The following MEIKIN variants were observed in gnomAD, a reference collection of about 807,000 sequenced individuals.
MEIKIN encodes the protein meiosis-specific kinetochore protein.
At chr5:131,942,172 T>C (rs1190275007) in intron 4 of MEIKIN, among the ~76,000 whole-genome samples, 2 of 152,210 alleles carry the variant, frequency 1.3e-5, no homozygotes, top group Non-Finnish European at 2.9e-5. Flanking sequence ...GGCCTCAAAC[T>C]GGTTGTCTAA....
intron 9 of MEIKIN, among the ~76,000 whole-genome samples, chr5:131,856,185 G>T (rs534240565): frequency 2.0e-5 from 3 of 152,064 alleles, no homozygotes; most frequent in African/African-American, 7.2e-5. Context: ...TTTAGTTTTC[G>T]CATTTCAACA....
At chr5:131,832,580 G>A (rs1749733846) in intron 11 of MEIKIN, among the ~76,000 whole-genome samples, 1 of 152,176 alleles carries the variant, frequency 6.6e-6, no homozygotes, top group Admixed American at 6.5e-5. Context: ...CTTTGTATGG[G>A]GACTCCAACC....
intron 11 of MEIKIN, among the ~76,000 whole-genome samples, chr5:131,840,673 TGTA>T (rs958192778): frequency 1.3e-5 from 2 of 152,224 alleles, no homozygotes; most frequent in Non-Finnish European, 2.9e-5. Context: ...ATGAAATTCT[TGTA>T]GTGTGTTTCT....
chr5:131,911,075 T>A (rs1311026601), intron 8 of MEIKIN, among the ~76,000 whole-genome samples: 1 of 152,104 alleles, frequency 6.6e-6, no homozygotes, highest in Non-Finnish European at 1.5e-5. Context: ...AAGGTATTGC[T>A]CCTTCCAAGG....
intron 9 of MEIKIN, among the ~76,000 whole-genome samples, chr5:131,855,406 G>A (rs1403235242): frequency 1.3e-5 from 2 of 152,060 alleles, no homozygotes; most frequent in Non-Finnish European, 1.5e-5. Flanking sequence ...AAGATACAAA[G>A]AGGCAGACAG....
In MEIKIN at chr5:131,903,487, G is replaced by A. The variant is rs148426236; in HGVS notation, c.703+8328C>T. Among the ~76,000 whole-genome samples, 1,302 of 152,196 alleles carry A rather than the reference G, an allele frequency of 8.6e-3. 4 individuals carry two copies. Among genetic ancestry groups the A allele is most frequent in the Non-Finnish European group, 0.013 (909 of 68,016 alleles). ...ACCCCATAAGCCAGAAGAGAATGGG[G>A]GCCTATATTCAGCATTATAAAAGAA... On this transcript the variant is annotated intron_variant, in intron 8 of 12. Coordinates refer to ENST00000442687, the MANE Select transcript of MEIKIN (RefSeq NM_001303622.2).
chr5:131,820,435 C>T (rs1167249851), intron 11 of MEIKIN, among the ~76,000 whole-genome samples: 1 of 152,084 alleles, frequency 6.6e-6, no homozygotes, highest in African/African-American at 2.4e-5. Context: ...GCTACTATTT[C>T]ATTCAGGATT....
At chr5:131,847,306 C>T (rs561350595) in intron 11 of MEIKIN, among the ~76,000 whole-genome samples, 8 of 152,112 alleles carry the variant, frequency 5.3e-5, no homozygotes, top group African/African-American at 1.9e-4. Flanking sequence ...TTATAAGAGA[C>T]TCACTTTAGA....
chr5:131,931,456 A>G (rs1452213530), intron 5 of MEIKIN, among the ~76,000 whole-genome samples: 1 of 152,190 alleles, frequency 6.6e-6, no homozygotes, highest in East Asian at 1.9e-4. Flanking sequence ...GTTGGGTCCT[A>G]TCAGCACTCT....
Position 131,919,379 on chromosome 5 carries a change from T to TCTA in MEIKIN, c.598+2440_598+2442dup, listed in dbSNP as rs573745125. Reference sequence around the variant, plus strand: ...GACCCAGCTATCCTACCTCTGGAAATCTACCTTGAAGACACACTGCCAATA... The same window carrying TCTA: ...GACCCAGCTATCCTACCTCTGGAAATCTACTACCTTGAAGACACACTGCCAATA... On this transcript the variant is annotated intron_variant, in intron 6 of 12. Transcript: ENST00000442687. Among the ~76,000 whole-genome samples the TCTA allele has an allele frequency of 1.3e-4, 20 of 152,282 alleles. No individual in the cohort carries two copies. The South Asian group carries it at 4.1e-3, about 32-fold the overall frequency.
At chr5:131,932,914 C>T (rs887793061) in intron 5 of MEIKIN, among the ~76,000 whole-genome samples, 2 of 152,162 alleles carry the variant, frequency 1.3e-5, no homozygotes, top group Admixed American at 6.5e-5. Context: ...TAGGACTCCG[C>T]TTTCTTAGGT....
At chr5:131,846,816 T>C (rs554554554) in intron 11 of MEIKIN, among the ~76,000 whole-genome samples, 5 of 152,076 alleles carry the variant, frequency 3.3e-5, no homozygotes, top group Admixed American at 3.3e-4. Flanking sequence ...TGAGTTTCCA[T>C]CTCAAAAAAA....
chr5:131,929,678 C>T (rs1751649300), intron 5 of MEIKIN, among the ~76,000 whole-genome samples: 1 of 152,054 alleles, frequency 6.6e-6, no homozygotes, highest in East Asian at 1.9e-4. Context: ...CAATCTTCAC[C>T]CTCTTCCCAC....
At chr5:131,897,953 G>C (rs556598545) in intron 8 of MEIKIN, among the ~76,000 whole-genome samples, 1 of 152,164 alleles carries the variant, frequency 6.6e-6, no homozygotes, top group East Asian at 1.9e-4. Context: ...TGCTGGCGAG[G>C]AGATGCGATC....
At chr5:131,892,382 AG>A (rs1425110357) in intron 8 of MEIKIN, among the ~76,000 whole-genome samples, 6 of 152,200 alleles carry the variant, frequency 3.9e-5, no homozygotes, top group Admixed American at 3.9e-4. Flanking sequence ...CTTTTCACAT[AG>A]TCCCATATTT....
chr5:131,811,670 G>A lies in MEIKIN; in HGVS notation c.1100-4412C>T, dbSNP rs180999018. Among the ~76,000 whole-genome samples, 203 of 151,420 alleles carry A rather than the reference G, an allele frequency of 1.3e-3. No homozygotes were observed. In the Middle Eastern group the frequency reaches 0.014, roughly 10 times the overall value. On this transcript the variant is annotated intron_variant, in intron 12 of 12. Transcript: ENST00000442687. ...CGCCCAGGCTGGAGTGCAGTGGCAC[G>A]ATCTCGGCTCACTGCCAGCTCTGCC... is the stretch of plus-strand genomic sequence containing the variant.
intron 11 of MEIKIN, among the ~76,000 whole-genome samples, chr5:131,847,866 G>C (rs763153852): frequency 6.6e-6 from 1 of 151,654 alleles, no homozygotes; most frequent in Non-Finnish European, 1.5e-5. Context: ...AAAAAAACCA[G>C]AGTTTGTGAA....
chr5:131,810,127 C>T (rs552232138), intron 12 of MEIKIN, among the ~76,000 whole-genome samples: 2 of 152,272 alleles, frequency 1.3e-5, no homozygotes, highest in South Asian at 2.1e-4. Context: ...TACCATCTTT[C>T]GGATACTCGA....
intron 8 of MEIKIN, among the ~76,000 whole-genome samples, chr5:131,899,082 A>G (rs980200316): frequency 2.6e-5 from 4 of 152,196 alleles, no homozygotes; most frequent in Non-Finnish European, 4.4e-5. Context: ...TCTTATCTCA[A>G]TTAGAAAGAC....
Sources: allele counts gnomAD v4.1 joint callset (sites outside exome capture counted in the v4.1 genomes callset), GRCh38; gene constraint gnomAD v4.1.1; transcripts MANE v1.5; gene names NCBI Gene and HGNC (gene_info 2026-07-23, HGNC 2026-07-21).